ABTB2: variants seen among roughly 807,000 people sequenced by gnomAD.
ABTB2 encodes the protein ankyrin repeat and BTB/POZ domain-containing protein 2.
Under a neutral mutation model 104.1 loss-of-function variants are expected in ABTB2, and 56 were observed. That is an observed-to-expected ratio of 0.54 (90% CI 0.43 to 0.67). The LOEUF is 0.67. ABTB2 is among the 30% of genes least tolerant of loss of function. The pLI is 0.00. For synonymous variants in ABTB2, 606 were observed against 608.2 expected (o/e 1.00, Z 0.05); for missense variants, 1,279 against 1,407.7 (o/e 0.91, Z 1.46).
chr11:34,166,406 C>T (rs1565129717), intron 7 of ABTB2, among the ~76,000 whole-genome samples: 1 of 152,276 alleles, frequency 6.6e-6, no homozygotes, highest in African/African-American at 2.4e-5. Context: ...GCTCAGGGCA[C>T]AGCCCTGCAG....
At chr11:34,184,952 G>A (rs968700256) in intron 3 of ABTB2, among the ~76,000 whole-genome samples, 3 of 152,164 alleles carry the variant, frequency 2.0e-5, no homozygotes, top group Admixed American at 6.5e-5. Flanking sequence ...CCTCCCTCCC[G>A]AGGGCACCTG....
intron 9 of ABTB2, among the ~76,000 whole-genome samples, chr11:34,163,618 T>G (rs1852753708): frequency 6.6e-6 from 1 of 152,210 alleles, no homozygotes; most frequent in Admixed American, 6.5e-5. Context: ...GGGGCTGACC[T>G]GCTCCACGGC....
chr11:34,356,721 A>G lies in ABTB2; in HGVS notation c.863T>C (p.Ile288Thr), dbSNP rs1855468825. The change falls in exon 1 of 17, where the codon ATC (isoleucine) becomes ACC (threonine). Residue 288 changes from isoleucine to threonine, a missense_variant. Physicochemically the swap from Ile to Thr is moderately conservative, Grantham distance 89. Coordinates refer to ENST00000435224, the MANE Select transcript of ABTB2 (RefSeq NM_145804.3). The surrounding 1 kb of genome is among the most constrained non-coding windows in gnomAD (Gnocchi z 4.6). ...CTTACCATTGGCGTTCTTGCCGCAG[A>G]TGAGATGCTCATAGGGCTGCAAGAC... ...WGVLQPYEHL[I>T]CGKNANGVLS... The G allele has an allele frequency of 6.3e-7, 1 of 1,596,816 alleles. No individual in the cohort carries two copies. The highest frequency in any genetic ancestry group is 1.1e-5 in the South Asian group (1 of 90,022).
intron 10 of ABTB2, among the ~76,000 whole-genome samples, chr11:34,161,585 C>T (rs955154186): frequency 2.6e-5 from 4 of 152,274 alleles, no homozygotes; most frequent in Admixed American, 6.5e-5. Context: ...GAAACGAACC[C>T]GGTCCTATCA....
chr11:34,269,222 T>C (rs563872834), intron 1 of ABTB2, among the ~76,000 whole-genome samples: 1 of 152,118 alleles, frequency 6.6e-6, no homozygotes, highest in East Asian at 1.9e-4. Flanking sequence ...AATGCTGTGG[T>C]TTTCATCGGG....
At chr11:34,173,087 G>A (rs1210334967) in intron 4 of ABTB2, 68 bp downstream of exon 4, 1 of 1,596,366 alleles carries the variant, frequency 6.3e-7, no homozygotes, top group East Asian at 2.2e-5. Flanking sequence ...TGGGGAAGAA[G>A]CGAGCAGAGG....
intron 1 of ABTB2, among the ~76,000 whole-genome samples, chr11:34,312,354 A>G (rs191980287): frequency 2.7e-4 from 41 of 152,300 alleles, no homozygotes; most frequent in African/African-American, 9.6e-4. Context: ...ACTTAGGGCC[A>G]GAAGATTCAG....
intron 1 of ABTB2, among the ~76,000 whole-genome samples, chr11:34,295,918 C>G (rs1564926294): frequency 6.6e-6 from 1 of 152,042 alleles, no homozygotes; most frequent in African/African-American, 2.4e-5. Flanking sequence ...TATCTCCAAA[C>G]ACCATCACAT....
intron 1 of ABTB2, among the ~76,000 whole-genome samples, chr11:34,305,827 C>T (rs1271368768): frequency 6.6e-6 from 1 of 152,308 alleles, no homozygotes; most frequent in Non-Finnish European, 1.5e-5. Flanking sequence ...GTTGCAAACA[C>T]ATGGCTTCCT....
intron 1 of ABTB2, among the ~76,000 whole-genome samples, chr11:34,255,013 T>C (rs1854104086): frequency 6.6e-6 from 1 of 152,190 alleles, no homozygotes; most frequent in African/African-American, 2.4e-5. Flanking sequence ...ATATGGTTAG[T>C]GGGTACTATA....
At chr11:34,216,194 C>A (rs963907860) in intron 1 of ABTB2, among the ~76,000 whole-genome samples, 3 of 152,110 alleles carry the variant, frequency 2.0e-5, no homozygotes, top group Non-Finnish European at 2.9e-5. Context: ...CACAAGGAAT[C>A]CAAACTAAGG....
intron 1 of ABTB2, among the ~76,000 whole-genome samples, chr11:34,228,339 C>T (rs900018615): frequency 5.9e-5 from 7 of 119,118 alleles, no homozygotes; most frequent in Non-Finnish European, 1.1e-4. Flanking sequence ...GGATTACAGG[C>T]GTGAGCCACC....
At chr11:34,249,274 A>G (rs1854024827) in intron 1 of ABTB2, among the ~76,000 whole-genome samples, 1 of 152,344 alleles carries the variant, frequency 6.6e-6, no homozygotes, top group African/African-American at 2.4e-5. Flanking sequence ...GCCTTTAAGG[A>G]CAAGCTTCAG....
chr11:34,217,460 T>TTTTTG (rs1853563767), intron 1 of ABTB2, among the ~76,000 whole-genome samples: 1 of 152,176 alleles, frequency 6.6e-6, no homozygotes, highest in Admixed American at 6.5e-5. Flanking sequence ...ATATAAGTTT[T>TTTTTG]TTTTGTTTTG....
chr11:34,155,509 G>GA (rs1852611601), intron 14 of ABTB2, among the ~76,000 whole-genome samples: 1 of 152,214 alleles, frequency 6.6e-6, no homozygotes, highest in Non-Finnish European at 1.5e-5. Context: ...TTCCCAGTTG[G>GA]AAAAAGAAAA....
At chr11:34,237,093 C>T (rs1303054630) in intron 1 of ABTB2, among the ~76,000 whole-genome samples, 1 of 152,078 alleles carries the variant, frequency 6.6e-6, no homozygotes, top group Non-Finnish European at 1.5e-5. Context: ...GGACAAGTTA[C>T]CGAACCCCTC....
intron 1 of ABTB2, among the ~76,000 whole-genome samples, chr11:34,309,561 A>G (rs1321107083): frequency 1.3e-5 from 2 of 152,202 alleles, no homozygotes; most frequent in East Asian, 3.8e-4. Flanking sequence ...AAGTTCTTCC[A>G]AATCTCACTG....
At chr11:34,318,142 C>T (rs755342864) in intron 1 of ABTB2, among the ~76,000 whole-genome samples, 6 of 151,994 alleles carry the variant, frequency 3.9e-5, no homozygotes, top group Non-Finnish European at 5.9e-5. Flanking sequence ...AATTTTTTTG[C>T]ATTTTTAGTA....
At chr11:34,305,856 G>A (rs999241720) in intron 1 of ABTB2, among the ~76,000 whole-genome samples, 30 of 152,086 alleles carry the variant, frequency 2.0e-4, no homozygotes, top group Admixed American at 8.5e-4. Flanking sequence ...ATTTCAACAT[G>A]TATCACCTAA....
Sources: allele counts gnomAD v4.1 joint callset (sites outside exome capture counted in the v4.1 genomes callset), GRCh38; gene constraint gnomAD v4.1.1; non-coding constraint Gnocchi (gnomAD v3.1); transcripts MANE v1.5; gene names NCBI Gene and HGNC (gene_info 2026-07-23, HGNC 2026-07-21).